Variants in GPX5 observed in about 807,000 individuals in gnomAD.
The protein encoded by GPX5 is epididymal secretory glutathione peroxidase.
In GPX5, 20 loss-of-function variants were observed where a neutral mutation model predicts 23.8. The observed-to-expected ratio is 0.84, with a 90% confidence interval of 0.59 to 1.22. The LOEUF (loss-of-function observed/expected upper bound fraction) is 1.22, where lower values mean the gene tolerates loss of function less well. GPX5 is among the 50% of genes most tolerant of loss of function. The pLI, the probability that GPX5 is intolerant of heterozygous loss-of-function variation, is 0.00. For missense variants in GPX5, 230 were observed against 266.6 expected (o/e 0.86, Z 0.96); for synonymous variants, 92 against 99.5 (o/e 0.92, Z 0.45).
At position 28,529,498 on chromosome 6, in the gene GPX5, C is replaced by A. The variant is rs1393581752; in HGVS notation, c.135C>A (p.Ala45=). ...AAGGCACCATCTATGACTATGAGGC[C>A]ATCGCACTTAATAAGAATGAATATG... ...DEKGTIYDYE[A]IALNKNEYVS... The change falls in exon 2 of 5, where the codon GCC becomes GCA. Residue 45 remains alanine, a synonymous_variant. Coordinates refer to ENST00000412168, the MANE Select transcript of GPX5 (RefSeq NM_001509.3). The A allele has an allele frequency of 6.2e-7, 1 of 1,613,234 alleles. No homozygotes were observed. The highest frequency in any genetic ancestry group is 8.5e-7 in the Non-Finnish European group (1 of 1,179,572).
At chr6:28,532,927 T>G (rs188190517) in intron 4 of GPX5, among the ~76,000 whole-genome samples, 18 of 152,208 alleles carry the variant, frequency 1.2e-4, no homozygotes. Flanking sequence ...AAGACTAGCC[T>G]GAGCAACATA....
intron 1 of GPX5, chr6:28,527,854 C>G (rs1763238692): frequency 6.6e-6 from 1 of 152,140 alleles, no homozygotes. Flanking sequence ...TGCATGAACA[C>G]TGTAAGGGTA....
At chr6:28,527,014 G>A (rs1763220669) in intron 1 of GPX5, 1 of 152,198 alleles carries the variant, frequency 6.6e-6, no homozygotes, top group African/African-American at 2.4e-5. Context: ...AATTGATATG[G>A]TTTTTATGTT....
intron 1 of GPX5, among the ~76,000 whole-genome samples, chr6:28,529,090 T>C (rs773596139): frequency 1.0e-4 from 15 of 147,552 alleles, no homozygotes; most frequent in Non-Finnish European, 1.5e-4. Context: ...TCTTTCTAAC[T>C]ATCTTTTTTT....
At chr6:28,533,852 G>A (rs1309421673) in intron 4 of GPX5, 109 bp from the exon 5 acceptor site, 2 of 615,100 alleles carry the variant, frequency 3.3e-6, no homozygotes, top group Non-Finnish European at 5.5e-6. Context: ...ATATCAGGAA[G>A]TTAAAATATC....
At chr6:28,526,936 A>G (rs533739592) in intron 1 of GPX5, 1 of 152,328 alleles carries the variant, frequency 6.6e-6, no homozygotes, top group East Asian at 1.9e-4. Flanking sequence ...TGCAGTTCTA[A>G]TAACATCTCC....
intron 1 of GPX5, among the ~76,000 whole-genome samples, chr6:28,529,040 A>G (rs1313664054): frequency 6.6e-6 from 1 of 151,698 alleles, no homozygotes; most frequent in East Asian, 1.9e-4. Context: ...TATTGACTAT[A>G]GTCACCCTGT....
At position 28,528,813 on chromosome 6, in the gene GPX5, GTATATATATATATATATATA is replaced by G. The variant is rs70983945; in HGVS notation, c.88-590_88-571del. Among the ~76,000 whole-genome samples the G allele has an allele frequency of 3.6e-4, 34 of 95,704 alleles. 1 individual carries two copies. The highest frequency in any genetic ancestry group is 5.5e-3 in the Middle Eastern group (1 of 182). The allele number at this position is 95,704 out of a possible 152,430, so 62.8% of individuals were successfully genotyped here. Reference sequence around the variant, plus strand: ...TATATGTGTATATATATATATGTGTGTATATATATATATATATATATATATATATATATATATATATATAT... The same window carrying G: ...TATATGTGTATATATATATATGTGTGTATATATATATATATATATATATAT... On this transcript the variant is annotated intron_variant, in intron 1 of 4. Transcript: ENST00000412168.
intron 4 of GPX5, among the ~76,000 whole-genome samples, chr6:28,532,993 T>C (rs1213491068): frequency 6.6e-6 from 1 of 152,072 alleles, no homozygotes; most frequent in Admixed American, 6.5e-5. Context: ...TGGTGGCACG[T>C]ACCTGTAGTC....
intron 3 of GPX5, 79 bp from the exon 4 acceptor site, chr6:28,532,242 G>T: frequency 1.2e-6 from 1 of 856,730 alleles, no homozygotes; most frequent in South Asian, 1.8e-5. Flanking sequence ...CCTTTCTCAT[G>T]ACTTCAAATC....
At position 28,525,944 on chromosome 6, in the gene GPX5, A is replaced by C; in HGVS notation, c.-70A>C. 1 of 1,159,568 alleles carries C rather than the reference A, an allele frequency of 8.6e-7. No homozygotes were observed. Among genetic ancestry groups the C allele is most frequent in the Non-Finnish European group, 1.3e-6 (1 of 769,144 alleles). The allele number at this position is 1,159,568 out of a possible 1,614,324, so 71.8% of individuals were successfully genotyped here. A position where few individuals can be genotyped will look rare whatever the true frequency, so the allele number is the denominator to read the frequency against. On this transcript the variant is annotated 5_prime_UTR_variant, in exon 1 of 5. Coordinates refer to ENST00000412168, the MANE Select transcript of GPX5 (RefSeq NM_001509.3). ...GGGGGCTTGGGCTAAGTCCCTGCCA[A>C]GATACCAAAAGACTGCAGAGGTGGG...
chr6:28,530,710 GGACTTTAA>G (rs1763296767), intron 2 of GPX5, among the ~76,000 whole-genome samples: 1 of 152,006 alleles, frequency 6.6e-6, no homozygotes, highest in Non-Finnish European at 1.5e-5. Context: ...CAGTTTATAG[GGACTTTAA>G]GAATCGATTT....
chr6:28,532,504 C>T, intron 4 of GPX5, 84 bp downstream of exon 4: 1 of 887,208 alleles, frequency 1.1e-6, no homozygotes, highest in Non-Finnish European at 1.8e-6. Context: ...GATCCAAGGG[C>T]TCATGCCCAG....
Position 28,534,134 on chromosome 6 carries a change from C to G in GPX5, c.633C>G (p.Ile211Met), listed in dbSNP as rs28382610. Residue 211 changes from isoleucine (I) to methionine (M), a missense_variant, in exon 5 of 5, where the codon ATC becomes ATG. By Grantham distance (10) the Ile-to-Met change is conservative. Coordinates refer to ENST00000412168, the MANE Select transcript of GPX5 (RefSeq NM_001509.3). ...RATVSSVKTD[I>M]LAYLKQFKTK ...CGGTCAGCTCAGTCAAGACAGACAT[C>G]CTGGCGTACTTGAAGCAATTCAAAA... is the stretch of plus-strand genomic sequence containing the variant. The G allele has an allele frequency of 1.2e-6, 2 of 1,603,662 alleles. No individual in the cohort carries two copies. The highest frequency in any genetic ancestry group is 1.1e-5 in the South Asian group (1 of 89,302).
At chr6:28,526,991 C>T (rs1034808577) in intron 1 of GPX5, 5 of 152,220 alleles carry the variant, frequency 3.3e-5, no homozygotes, top group African/African-American at 1.2e-4. Flanking sequence ...CCTGGGTGAA[C>T]TTCTATTTTG....
chr6:28,532,449 C>T (rs571923326), intron 4 of GPX5, 29 bp downstream of exon 4: 1 of 1,354,058 alleles, frequency 7.4e-7, no homozygotes, highest in East Asian at 2.4e-5. Flanking sequence ...TAAGCCTCCT[C>T]CTCTTTTCTA....
In GPX5 at chr6:28,526,006, C is replaced by T; in HGVS notation, c.-8C>T. 6.2e-7 allele frequency: 1 copy of T among 1,602,824 alleles called. No homozygotes were observed. Among genetic ancestry groups the T allele is most frequent in the Non-Finnish European group, 8.5e-7 (1 of 1,171,006 alleles). On this transcript the variant is annotated 5_prime_UTR_variant, in exon 1 of 5. Coordinates refer to ENST00000412168, the MANE Select transcript of GPX5 (RefSeq NM_001509.3). Reference sequence around the variant, plus strand: ...GGCCCCCAGACTAGCAATCTACAAACACTAGTCATGACTACACAGTTAAGG... The same window carrying T: ...GGCCCCCAGACTAGCAATCTACAAATACTAGTCATGACTACACAGTTAAGG...
intron 1 of GPX5, among the ~76,000 whole-genome samples, chr6:28,526,618 G>C (rs1255008285): frequency 6.6e-6 from 1 of 152,206 alleles, no homozygotes; most frequent in Non-Finnish European, 1.5e-5. Flanking sequence ...ACTGGATTTG[G>C]AGTCAGGCAT....
rs1581857826 is a variant in GPX5 at position 28,534,334 on chromosome 6, A to G, written c.*167A>G. The G allele has an allele frequency of 2.1e-6, 1 of 480,598 alleles. No homozygotes were observed. Among genetic ancestry groups the G allele is most frequent in the East Asian group, 3.3e-5 (1 of 30,268 alleles). 29.8% of individuals were successfully genotyped at this position (480,598 alleles called of 1,614,324 possible). Reference sequence around the variant, plus strand: ...ACTGCCAGAATTCCCACTCTCCACAAACTAGATTTATATTTGGAAGGCTAC... The same window carrying G: ...ACTGCCAGAATTCCCACTCTCCACAGACTAGATTTATATTTGGAAGGCTAC... On this transcript the variant is annotated 3_prime_UTR_variant, in exon 5 of 5. Coordinates refer to ENST00000412168, the MANE Select transcript of GPX5 (RefSeq NM_001509.3).
Sources: gnomAD v4.1 joint callset for allele counts (sites outside exome capture counted in the v4.1 genomes callset) on GRCh38, gnomAD v4.1.1 for gene constraint, MANE v1.5 for transcripts, NCBI Gene and HGNC (gene_info 2026-07-23, HGNC 2026-07-21) for gene names.